The following HCRTR2 variants were observed in gnomAD, a reference collection of about 807,000 sequenced individuals.
HCRTR2 encodes the protein hypocretin receptor 2.
In HCRTR2, 22 loss-of-function variants were observed where a neutral mutation model predicts 49.0. That is an observed-to-expected ratio of 0.45 (90% CI 0.32 to 0.64). HCRTR2 has a LOEUF of 0.64. Ranked by LOEUF, HCRTR2 falls within the 30% of genes least tolerant of loss-of-function variation. The pLI, the probability that HCRTR2 is intolerant of heterozygous loss-of-function variation, is 0.04. For missense variants in HCRTR2, 491 were observed against 559.4 expected (o/e 0.88, Z 1.23); for synonymous variants, 236 against 205.3 (o/e 1.15, Z -1.28).
intron 1 of HCRTR2, among the ~76,000 whole-genome samples, chr6:55,225,669 A>G (rs889604145): frequency 3.3e-5 from 5 of 152,228 alleles, no homozygotes; most frequent in Admixed American, 2.0e-4. Context: ...CTATAATTCC[A>G]TATACATAAA....
Position 55,174,895 on chromosome 6 carries a change from T to TC in HCRTR2, c.223+90dup, listed in dbSNP as rs1765012319. On this transcript the variant is annotated intron_variant, in intron 1 of 6. Coordinates refer to ENST00000370862, the MANE Select transcript of HCRTR2 (RefSeq NM_001384272.1). The stretch of plus-strand genomic sequence containing the variant: ...AGAAGGCTCTAAAGAGACCCCTCCC[T>TC]CCCCCGGGAAGCAAACAAAGAGGTC... 2.9e-6 allele frequency: 3 copies of TC among 1,024,700 alleles called. No homozygotes were observed. The South Asian group carries it at 3.9e-5, about 13-fold the overall frequency. 63.5% of individuals were successfully genotyped at this position (1,024,700 alleles called of 1,614,324 possible).
intron 1 of HCRTR2, among the ~76,000 whole-genome samples, chr6:55,141,860 T>C (rs2127253170): frequency 6.6e-6 from 1 of 152,280 alleles, no homozygotes; most frequent in East Asian, 1.9e-4. Flanking sequence ...AAAGGAATTA[T>C]TGCTAAAGAA....
intron 1 of HCRTR2, among the ~76,000 whole-genome samples, chr6:55,218,881 T>C (rs1341329686): frequency 6.6e-6 from 1 of 152,164 alleles, no homozygotes; most frequent in Non-Finnish European, 1.5e-5. Context: ...TGGAGGGCAA[T>C]GGTACAATCT....
rs1764732090 is a variant in HCRTR2 at position 55,156,552 on chromosome 6, C to T, written c.-377-17659C>T. Among the ~76,000 whole-genome samples the T allele has an allele frequency of 2.0e-5, 3 of 151,710 alleles. No individual in the cohort carries two copies. The South Asian group carries it at 6.2e-4, about 31-fold the overall frequency. On this transcript the variant is annotated intron_variant, in intron 1 of 7. Transcript: ENST00000615358. ...GCAAGACAACTGTCTCTCTCTCACT[C>T]TCTCTTTCTCTCTCTCTGAGACACA...
chr6:55,107,117 A>G (rs1375147374), intron 1 of HCRTR2, among the ~76,000 whole-genome samples: 1 of 152,114 alleles, frequency 6.6e-6, no homozygotes, highest in Admixed American at 6.6e-5. Context: ...TCATTTTCTT[A>G]CTTTCCGTGT....
intron 1 of HCRTR2, among the ~76,000 whole-genome samples, chr6:55,145,853 T>A (rs1436178685): frequency 1.3e-5 from 2 of 152,108 alleles, no homozygotes; most frequent in Non-Finnish European, 2.9e-5. Context: ...ATCCAATCTC[T>A]TGGAGCTCTC....
At chr6:55,170,550 G>T (rs918046001), upstream of HCRTR2, among the ~76,000 whole-genome samples, 3 of 151,516 alleles carry the variant, frequency 2.0e-5, no homozygotes, top group African/African-American at 7.3e-5. Flanking sequence ...AATAATATTT[G>T]CAGTAGGATA....
intron 1 of HCRTR2, among the ~76,000 whole-genome samples, chr6:55,241,380 G>T (rs953108584): frequency 6.6e-6 from 1 of 152,046 alleles, no homozygotes; most frequent in Non-Finnish European, 1.5e-5. Flanking sequence ...CGGAAGTGAC[G>T]ATGGAAGCAG....
chr6:55,188,352 G>T (rs1765260605), intron 1 of HCRTR2, among the ~76,000 whole-genome samples: 1 of 152,158 alleles, frequency 6.6e-6, no homozygotes, highest in Non-Finnish European at 1.5e-5. Context: ...GCCAGACATA[G>T]ATTTTATCTC....
rs374195718 is a variant in HCRTR2, at chr6:55,189,153, GT to G, written c.223+14344del. Among the ~76,000 whole-genome samples, 688 of 152,214 alleles carry G rather than the reference GT, an allele frequency of 4.5e-3. 1 individual carries two copies. The highest frequency in any genetic ancestry group is 0.015 in the African/African-American group (630 of 41,530). On this transcript the variant is annotated intron_variant, in intron 1 of 6. Transcript: ENST00000370862. ...TTTTGTGGGTATCTGGCCCAGTCTT[GT>G]CTGTAGTGTATTATGGTGGATTGGA...
intron 2 of HCRTR2, among the ~76,000 whole-genome samples, chr6:55,252,294 G>C (rs138547064): frequency 6.6e-6 from 1 of 152,190 alleles, no homozygotes; most frequent in East Asian, 1.9e-4. Flanking sequence ...CAAGTGAACT[G>C]ATATGAATTG....
At chr6:55,217,816 T>C (rs1361377812) in intron 1 of HCRTR2, among the ~76,000 whole-genome samples, 1 of 152,198 alleles carries the variant, frequency 6.6e-6, no homozygotes, top group Admixed American at 6.5e-5. Context: ...CTCCAAACCC[T>C]TCCAGCCTTT....
intron 1 of HCRTR2, among the ~76,000 whole-genome samples, chr6:55,150,273 A>G (rs913765003): frequency 2.6e-5 from 4 of 151,888 alleles, no homozygotes; most frequent in Non-Finnish European, 4.4e-5. Context: ...CCATAAACAC[A>G]TTCATTACCT....
At chr6:55,180,741 A>C (rs1765118046) in intron 1 of HCRTR2, among the ~76,000 whole-genome samples, 1 of 152,198 alleles carries the variant, frequency 6.6e-6, no homozygotes, top group African/African-American at 2.4e-5. Flanking sequence ...ATTGCCAAAT[A>C]AATAGTATTT....
intron 1 of HCRTR2, among the ~76,000 whole-genome samples, chr6:55,126,467 C>T (rs1241009148): frequency 2.6e-5 from 4 of 152,176 alleles, no homozygotes; most frequent in Admixed American, 6.5e-5. Context: ...CTGTTCTTTC[C>T]TCTGGAAGCT....
intron 1 of HCRTR2, among the ~76,000 whole-genome samples, chr6:55,142,067 ATAAAG>A (rs1160569234): frequency 9.2e-5 from 14 of 152,350 alleles, no homozygotes; most frequent in African/African-American, 3.1e-4. Context: ...ATATGCCAAC[ATAAAG>A]TAAATTAAAT....
Position 55,193,654 on chromosome 6 carries a change from T to C in HCRTR2, c.223+18844T>C, listed in dbSNP as rs544614174. Reference sequence around the variant, plus strand: ...CTCACCTCACCCCATTTTTCTGTTTTACCTATGAAACTTGATCAAAATACT... The same window carrying C: ...CTCACCTCACCCCATTTTTCTGTTTCACCTATGAAACTTGATCAAAATACT... On this transcript the variant is annotated intron_variant, in intron 1 of 6. Transcript: ENST00000370862. 2.2e-4 allele frequency among the ~76,000 whole-genome samples: 34 copies of C among 152,236 alleles called. No individual in the cohort carries two copies. In the South Asian group the frequency reaches 5.2e-3, roughly 23 times the overall value.
chr6:55,215,489 A>G (rs79675483), intron 1 of HCRTR2, among the ~76,000 whole-genome samples: 1,875 of 152,338 alleles, frequency 0.012, 41 homozygotes, highest in African/African-American at 0.043. Flanking sequence ...ATATAAAAGT[A>G]TAAAGCTCAT....
intron 3 of HCRTR2, among the ~76,000 whole-genome samples, chr6:55,262,441 T>C (rs1475609292): frequency 1.5e-5 from 2 of 133,544 alleles, no homozygotes; most frequent in African/African-American, 5.6e-5. Context: ...TATAAATATC[T>C]ATTAATATAT....
Sources: gnomAD v4.1 joint callset for allele counts (sites outside exome capture counted in the v4.1 genomes callset) on GRCh38, gnomAD v4.1.1 for gene constraint, MANE v1.5 for transcripts, NCBI Gene and HGNC (gene_info 2026-07-23, HGNC 2026-07-21) for gene names.